The following ADK variants were observed in gnomAD, a reference collection of about 807,000 sequenced individuals.
The protein encoded by ADK is N6,N6-dimethyladenosine kinase.
Under a neutral mutation model 44.7 loss-of-function variants are expected in ADK, and 24 were observed. The ratio of observed to expected loss-of-function variants is 0.54; its 90% CI spans 0.39 to 0.76. The LOEUF (loss-of-function observed/expected upper bound fraction) is 0.76, where lower values mean the gene tolerates loss of function less well. Among genes scored for constraint, ADK ranks in the 30% least tolerant of loss-of-function variants. ADK has a pLI of 0.00. For synonymous variants in ADK, 128 were observed against 142.6 expected, an observed-to-expected ratio of 0.90 and a Z score of 0.73; for missense variants, 321 against 425.1, an observed-to-expected ratio of 0.76 and a Z score of 2.15.
rs553642772 is a variant in ADK at position 74,313,330 on chromosome 10, TG to T, written c.195-1330del. On this transcript the variant is annotated intron_variant, in intron 3 of 10. Transcript: ENST00000539909. ...AATTCCATCTTTCTTCTGTTTTTTT[TG>T]GGGGGGAGAGGTTGGAACATCTCCT... 3.3e-5 allele frequency among the ~76,000 whole-genome samples: 5 copies of T among 152,108 alleles called. No homozygotes were observed. The South Asian group carries it at 6.2e-4, about 19-fold the overall frequency.
intron 6 of ADK, among the ~76,000 whole-genome samples, chr10:74,478,195 C>T (rs78000893): frequency 0.022 from 3,403 of 152,246 alleles, 130 homozygotes; most frequent in African/African-American, 0.078. Flanking sequence ...AGGCATTAGC[C>T]ACTATACCCA....
chr10:74,306,131 T>C (rs1346231969), intron 3 of ADK, among the ~76,000 whole-genome samples: 1 of 152,088 alleles, frequency 6.6e-6, no homozygotes, highest in African/African-American at 2.4e-5. Context: ...TCTGAGTCTT[T>C]TTTCATTTTT....
intron 6 of ADK, among the ~76,000 whole-genome samples, chr10:74,467,119 C>A (rs1321424005): frequency 6.6e-6 from 1 of 151,960 alleles, no homozygotes; most frequent in Non-Finnish European, 1.5e-5. Context: ...GTAATTATAA[C>A]CATCTTTTTT....
chr10:74,584,891 CA>C (rs1239906136), intron 7 of ADK, among the ~76,000 whole-genome samples: 3 of 152,154 alleles, frequency 2.0e-5, no homozygotes, highest in African/African-American at 7.2e-5. Context: ...ATTGGAATTG[CA>C]GTGAGTATGG....
intron 4 of ADK, among the ~76,000 whole-genome samples, chr10:74,353,526 TAACA>T (rs1161997164): frequency 7.0e-6 from 1 of 142,152 alleles, no homozygotes; most frequent in African/African-American, 2.6e-5. Flanking sequence ...TATACCAACG[TAACA>T]AACCTGCACG....
At chr10:74,287,383 G>A (rs1200609895) in intron 3 of ADK, among the ~76,000 whole-genome samples, 2 of 151,816 alleles carry the variant, frequency 1.3e-5, no homozygotes, top group African/African-American at 4.8e-5. Context: ...AGAATCACTT[G>A]AACCCAGGAG....
chr10:74,587,610 C>A (rs1032236784), intron 7 of ADK, among the ~76,000 whole-genome samples: 1 of 152,142 alleles, frequency 6.6e-6, no homozygotes, highest in Non-Finnish European at 1.5e-5. Flanking sequence ...ATGCTACAGT[C>A]GTTTTAGTTG....
intron 1 of ADK, among the ~76,000 whole-genome samples, chr10:74,200,403 G>A (rs1170557464): frequency 1.3e-5 from 2 of 150,510 alleles, no homozygotes; most frequent in East Asian, 3.9e-4. Context: ...AGAATCACTT[G>A]AACCTGGGAG....
intron 1 of ADK, among the ~76,000 whole-genome samples, chr10:74,196,698 TAAAC>T (rs1197878058): frequency 1.3e-5 from 2 of 152,120 alleles, no homozygotes; most frequent in African/African-American, 4.8e-5. Context: ...CAAATGGAAA[TAAAC>T]AAAACTACCG....
chr10:74,544,373 G>A (rs550598410), intron 7 of ADK, among the ~76,000 whole-genome samples: 3 of 152,088 alleles, frequency 2.0e-5, no homozygotes, highest in African/African-American at 7.2e-5. Context: ...AAATTCTGAG[G>A]GTTTTTGAAG....
In ADK at chr10:74,605,471, C is replaced by T. The variant is rs772629247; in HGVS notation, c.877+4978C>T. Among the ~76,000 whole-genome samples the T allele has an allele frequency of 1.9e-3, 295 of 152,208 alleles. 3 individuals carry two copies. Among genetic ancestry groups the T allele is most frequent in the Middle Eastern group, 3.4e-3 (1 of 294 alleles). ...AGCATGACGGAGTGTTGAATTTTAT[C>T]GAAGGCCTTTTCTGCATCTATTGAG... is the stretch of plus-strand genomic sequence containing the variant. On this transcript the variant is annotated intron_variant, in intron 9 of 10. Transcript: ENST00000539909.
At chr10:74,303,283 TAA>T (rs1336990446) in intron 3 of ADK, among the ~76,000 whole-genome samples, 4 of 152,230 alleles carry the variant, frequency 2.6e-5, no homozygotes, top group African/African-American at 7.2e-5. Context: ...TCTATATTTT[TAA>T]AGTTTCCTTT....
chr10:74,273,860 C>T (rs1158147167), intron 3 of ADK, among the ~76,000 whole-genome samples: 1 of 152,166 alleles, frequency 6.6e-6, no homozygotes, highest in African/African-American at 2.4e-5. Context: ...AACAGGCAGG[C>T]GTATCGGCTT....
intron 1 of ADK, among the ~76,000 whole-genome samples, chr10:74,177,831 A>G (rs1157338631): frequency 1.3e-5 from 2 of 151,610 alleles, no homozygotes; most frequent in African/African-American, 2.4e-5. Context: ...AATTTTTACT[A>G]CATTGTGTTT....
intron 1 of ADK, chr10:74,174,495 C>T (rs1394740836): frequency 6.6e-6 from 1 of 152,074 alleles, no homozygotes; most frequent in Non-Finnish European, 1.5e-5. Flanking sequence ...ATTTTGGTCA[C>T]TGATACCTGC....
At chr10:74,682,119 T>C (rs1855628084) in intron 10 of ADK, among the ~76,000 whole-genome samples, 1 of 152,190 alleles carries the variant, frequency 6.6e-6, no homozygotes, top group African/African-American at 2.4e-5. Flanking sequence ...AGAATGACTT[T>C]TAAAGCAGTG....
intron 3 of ADK, among the ~76,000 whole-genome samples, chr10:74,257,227 T>G (rs1845858208): frequency 6.6e-6 from 1 of 152,164 alleles, no homozygotes; most frequent in Non-Finnish European, 1.5e-5. Context: ...GTGGGTGCTG[T>G]GAAACCTACA....
intron 7 of ADK, among the ~76,000 whole-genome samples, chr10:74,582,100 A>C (rs140101075): frequency 6.6e-6 from 1 of 152,296 alleles, no homozygotes; most frequent in East Asian, 1.9e-4. Flanking sequence ...CCAACCACGT[A>C]TTATCTCATT....
intron 6 of ADK, among the ~76,000 whole-genome samples, chr10:74,441,510 T>C (rs987361785): frequency 6.6e-6 from 1 of 152,200 alleles, no homozygotes; most frequent in Non-Finnish European, 1.5e-5. Context: ...CATCAACTGC[T>C]GAATGGATAA....
Sources: gnomAD v4.1 joint callset for allele counts (sites outside exome capture counted in the v4.1 genomes callset) on GRCh38, gnomAD v4.1.1 for gene constraint, MANE v1.5 for transcripts, NCBI Gene and HGNC (gene_info 2026-07-23, HGNC 2026-07-21) for gene names.